PHF24: variants seen among roughly 807,000 people sequenced by gnomAD.
The protein encoded by PHF24 is Galpha inhibitory interacting protein.
A neutral mutation model predicts 42.6 loss-of-function variants in PHF24; 25 were observed. That is an observed-to-expected ratio of 0.59 (90% confidence interval 0.43 to 0.82). PHF24 has a LOEUF of 0.82. Among genes scored for constraint, PHF24 ranks in the 40% least tolerant of loss-of-function variants. The pLI is 0.00. For missense variants in PHF24, 470 were observed against 538.1 expected, an observed-to-expected ratio of 0.87 and a Z score of 1.25; for synonymous variants, 185 against 204.8, an observed-to-expected ratio of 0.90 and a Z score of 0.83.
the PHF24 span, among the ~76,000 whole-genome samples, chr9:34,675,308 A>T: frequency 6.6e-6 from 1 of 152,022 alleles, no homozygotes; most frequent in African/African-American, 2.4e-5. Flanking sequence ...GCATACGGGG[A>T]AAATGGAGTG....
At chr9:34,689,520 G>T in the PHF24 span, 1 of 348,670 alleles carries the variant, frequency 2.9e-6, no homozygotes, top group Non-Finnish European at 5.1e-6. The surrounding 1 kb of genome is among the most constrained non-coding windows in gnomAD (Gnocchi z 4.1). Context: ...GGCTAGTTAA[G>T]CAGTAGGAGT....
chr9:34,962,150 C>T (rs1826609227), intron 1 of PHF24, among the ~76,000 whole-genome samples: 1 of 152,234 alleles, frequency 6.6e-6, no homozygotes, highest in Non-Finnish European at 1.5e-5. Context: ...TTTTCTTCCT[C>T]CTTGAAACTC....
At chr9:34,844,147 G>A in the PHF24 span, among the ~76,000 whole-genome samples, 20 of 151,894 alleles carry the variant, frequency 1.3e-4, no homozygotes, top group South Asian at 2.1e-3. Context: ...TAATGTTTCC[G>A]CTTTCATTCT....
At chr9:34,767,478 G>A in the PHF24 span, among the ~76,000 whole-genome samples, 1 of 152,216 alleles carries the variant, frequency 6.6e-6, no homozygotes, top group Admixed American at 6.5e-5. Flanking sequence ...AGCAATCAGC[G>A]AGACTCCGTG....
the PHF24 span, among the ~76,000 whole-genome samples, chr9:34,708,498 C>T: frequency 1.3e-5 from 2 of 152,154 alleles, no homozygotes; most frequent in East Asian, 3.8e-4. Flanking sequence ...CTCCCAGGGG[C>T]TCTCTCAGGG....
chr9:34,809,195 T>C, the PHF24 span, among the ~76,000 whole-genome samples: 2 of 152,050 alleles, frequency 1.3e-5, no homozygotes, highest in African/African-American at 2.4e-5. This position sits in a 1 kb window ranked among gnomAD's most constrained non-coding sequence, Gnocchi z 4.1. Context: ...TTTTACGGTA[T>C]AGAAATTGAA....
At chr9:34,723,750 G>A in the PHF24 span, 1 of 1,551,680 alleles carries the variant, frequency 6.4e-7, no homozygotes, top group South Asian at 1.2e-5. Context: ...TGTGAAGCCT[G>A]GGGCAACACA....
chr9:34,944,726 A>G, the PHF24 span, among the ~76,000 whole-genome samples: 1 of 152,082 alleles, frequency 6.6e-6, no homozygotes, highest in African/African-American at 2.4e-5. Context: ...ATGTCTCTGG[A>G]TTAGCCAGGC....
At chr9:34,934,574 T>A in the PHF24 span, among the ~76,000 whole-genome samples, 143 of 150,654 alleles carry the variant, frequency 9.5e-4, no homozygotes, top group African/African-American at 3.4e-3. Context: ...TGACATTAAT[T>A]GGAAAAAAAA....
At chr9:34,978,349 CT>C (rs1167917324) in exon 8 of PHF24, 1 of 546,420 alleles carries the variant, frequency 1.8e-6, no homozygotes, top group African/African-American at 1.9e-5. Flanking sequence ...TGGACCGCCC[CT>C]GCCCCACATC....
exon 5 of PHF24, chr9:34,976,679 T>C (rs1827200261): frequency 6.2e-7 from 1 of 1,614,058 alleles, no homozygotes. Context: ...CGAGGCCACA[T>C]AGAGTGGCCT....
At chr9:34,878,818 A>G in the PHF24 span, among the ~76,000 whole-genome samples, 7 of 152,184 alleles carry the variant, frequency 4.6e-5, no homozygotes, top group Admixed American at 4.6e-4. Flanking sequence ...AGGAGCAGAA[A>G]CTTCTGCAGA....
the PHF24 span, among the ~76,000 whole-genome samples, chr9:34,677,715 A>G: frequency 6.6e-6 from 1 of 152,190 alleles, no homozygotes; most frequent in South Asian, 2.1e-4. Context: ...TGTTAATGAG[A>G]TCATGTTACT....
chr9:34,865,527 G>T, the PHF24 span, among the ~76,000 whole-genome samples: 1 of 152,012 alleles, frequency 6.6e-6, no homozygotes, highest in African/African-American at 2.4e-5. Flanking sequence ...TTGCACCACT[G>T]TACTCCAGCC....
At chr9:34,692,499 A>C in the PHF24 span, among the ~76,000 whole-genome samples, 261 of 151,824 alleles carry the variant, frequency 1.7e-3, no homozygotes, top group African/African-American at 5.9e-3. Context: ...CTTTACCTCC[A>C]CTCCACACCG....
the PHF24 span, among the ~76,000 whole-genome samples, chr9:34,750,795 A>G: frequency 6.6e-6 from 1 of 152,118 alleles, no homozygotes; most frequent in Non-Finnish European, 1.5e-5. Context: ...AAAAAGGAAG[A>G]CAATACCACA....
chr9:34,720,471 A>T, the PHF24 span, among the ~76,000 whole-genome samples: 1 of 150,896 alleles, frequency 6.6e-6, no homozygotes, highest in African/African-American at 2.4e-5. Context: ...ACAAAACAAA[A>T]CAAAAAACAT....
the PHF24 span, among the ~76,000 whole-genome samples, chr9:34,680,516 G>A: frequency 2.7e-5 from 4 of 150,620 alleles, no homozygotes; most frequent in Non-Finnish European, 4.4e-5. Context: ...GTGAAACCCC[G>A]TCTCTACTAA....
the PHF24 span, among the ~76,000 whole-genome samples, chr9:34,870,143 C>T: frequency 6.6e-6 from 1 of 151,996 alleles, no homozygotes; most frequent in Non-Finnish European, 1.5e-5. Flanking sequence ...CCCAGCAAAA[C>T]CTTCCCCACT....
Sources: gnomAD v4.1 joint callset for allele counts (sites outside exome capture counted in the v4.1 genomes callset) on GRCh38, gnomAD v4.1.1 for gene constraint, Gnocchi (gnomAD v3.1) non-coding constraint, MANE v1.5 for transcripts, NCBI Gene and HGNC (gene_info 2026-07-23, HGNC 2026-07-21) for gene names.